Variants in OTUD3 observed in about 807,000 individuals in gnomAD.
The protein encoded by OTUD3 is OTU domain-containing protein 3.
A neutral mutation model predicts 46.2 loss-of-function variants in OTUD3; 24 were observed. That is an observed-to-expected ratio of 0.52 (90% CI 0.38 to 0.73). The LOEUF is 0.73. OTUD3 is among the 30% of genes least tolerant of loss of function. The pLI is 0.00. For missense variants in OTUD3, 455 were observed against 523.3 expected (o/e 0.87, Z 1.27); for synonymous variants, 189 against 195.4 (o/e 0.97, Z 0.27).
At chr1:19,892,642 C>A (rs1015906462) in intron 2 of OTUD3, among the ~76,000 whole-genome samples, 1 of 152,092 alleles carries the variant, frequency 6.6e-6, no homozygotes, top group Non-Finnish European at 1.5e-5. Context: ...CTTCTCTTAC[C>A]CGTTCATTAC....
rs1261771374 is a variant in OTUD3 at position 19,908,590 on chromosome 1, G to A, written c.*844G>A. 5.3e-5 allele frequency: 8 copies of A among 152,188 alleles called. No homozygotes were observed. Among genetic ancestry groups the A allele is most frequent in the African/African-American group, 1.9e-4 (8 of 41,388 alleles). 9.4% of individuals were successfully genotyped at this position (152,188 alleles called of 1,614,324 possible). A position where few individuals can be genotyped will look rare whatever the true frequency, so the allele number is the denominator to read the frequency against. ...AGGGTCTATAGTTGTAACAGGAGAC[G>A]AACTCCTGGGGTTTTGCCTAAGAGG... On this transcript the variant is annotated 3_prime_UTR_variant, in exon 8 of 8. Coordinates refer to ENST00000375120, the MANE Select transcript of OTUD3 (RefSeq NM_015207.2).
At chr1:19,889,727 A>G (rs2045421546) in intron 1 of OTUD3, among the ~76,000 whole-genome samples, 1 of 152,218 alleles carries the variant, frequency 6.6e-6, no homozygotes, top group Non-Finnish European at 1.5e-5. Context: ...TTCATTTGGC[A>G]GGAATAACAA....
chr1:19,907,636 C>G lies in OTUD3; in HGVS notation c.1087C>G (p.Arg363Gly). Residue 363 changes from arginine to glycine, a missense_variant, in exon 8 of 8, where the codon CGC becomes GGC. Arg to Gly is a moderately radical substitution (Grantham distance 125, BLOSUM62 -2). Coordinates refer to ENST00000375120, the MANE Select transcript of OTUD3 (RefSeq NM_015207.2). ...GAAGAAGCGGCAGGAGGAGAGGCAC[C>G]GCCACAAAGCCCTGGAGAGCAGAGG... ...EKKKRQEERH[R>G]HKALESRGSH... 1 of 1,614,076 alleles carries G rather than the reference C, an allele frequency of 6.2e-7. No individual in the cohort carries two copies. The highest frequency in any genetic ancestry group is 8.5e-7 in the Non-Finnish European group (1 of 1,180,004).
intron 4 of OTUD3, among the ~76,000 whole-genome samples, chr1:19,902,497 GC>G (rs770957120): frequency 1.3e-5 from 2 of 152,124 alleles, no homozygotes; most frequent in African/African-American, 4.8e-5. Flanking sequence ...GAGCCACCAC[GC>G]CCGGCCAGTA....
Position 19,908,809 on chromosome 1 carries a change from C to A in OTUD3, c.*1063C>A, listed in dbSNP as rs1260712642. 2.6e-5 allele frequency: 4 copies of A among 152,300 alleles called. 1 individual carries two copies. Among genetic ancestry groups the A allele is most frequent in the African/African-American group, 9.7e-5 (4 of 41,446 alleles). The allele number at this position is 152,300 out of a possible 1,614,324, so 9.4% of individuals were successfully genotyped here. ...ATCTTATAAAATGCTACATTTATTT[C>A]TTTTTATTTAAGCCCTGTTTGGCAT... On this transcript the variant is annotated 3_prime_UTR_variant, in exon 8 of 8. Coordinates refer to ENST00000375120, the MANE Select transcript of OTUD3 (RefSeq NM_015207.2).
chr1:19,886,688 T>TA (rs2045366440), intron 1 of OTUD3, among the ~76,000 whole-genome samples: 1 of 152,244 alleles, frequency 6.6e-6, no homozygotes, highest in Non-Finnish European at 1.5e-5. Flanking sequence ...GATGCTCAAC[T>TA]AGTGTTTCTC....
At chr1:19,897,346 A>G (rs1327146186) in intron 3 of OTUD3, among the ~76,000 whole-genome samples, 194 bp from the exon 4 acceptor site, 1 of 152,208 alleles carries the variant, frequency 6.6e-6, no homozygotes, top group Admixed American at 6.5e-5. Flanking sequence ...TACATATTAA[A>G]TAAGCATACG....
At position 19,882,471 on chromosome 1, in the gene OTUD3, C is replaced by G. The variant is rs1156450402; in HGVS notation, c.-43C>G. 2 of 1,341,364 alleles carry G rather than the reference C, an allele frequency of 1.5e-6. No individual in the cohort carries two copies. The highest frequency in any genetic ancestry group is 6.2e-5 in the East Asian group (2 of 32,504). 83.1% of individuals were successfully genotyped at this position (1,341,364 alleles called of 1,614,324 possible). A position where few individuals can be genotyped will look rare whatever the true frequency, so the allele number is the denominator to read the frequency against. ...CGCTTGAGGCGGACGCTGGGGGGTC[C>G]TGCGCCTTTCCCTCCTGCCGCTGGG... On this transcript the variant is annotated 5_prime_UTR_variant, in exon 1 of 8. Transcript: ENST00000375120.
chr1:19,884,667 A>G (rs985069874), intron 1 of OTUD3, among the ~76,000 whole-genome samples: 1 of 152,208 alleles, frequency 6.6e-6, no homozygotes, highest in African/African-American at 2.4e-5. Context: ...ATTAGCTATC[A>G]GAGTGATGAC....
intron 1 of OTUD3, among the ~76,000 whole-genome samples, chr1:19,886,758 G>A (rs775729754): frequency 1.3e-5 from 2 of 152,216 alleles, no homozygotes; most frequent in Non-Finnish European, 1.5e-5. Context: ...GAAGGGCTAC[G>A]TTGCTGGGCC....
At chr1:19,887,422 T>C (rs577412033) in intron 1 of OTUD3, among the ~76,000 whole-genome samples, 1 of 152,298 alleles carries the variant, frequency 6.6e-6, no homozygotes. Context: ...CGCTTCAGAA[T>C]CTAGTATTTT....
chr1:19,893,746 A>G (rs2045480774), intron 2 of OTUD3, among the ~76,000 whole-genome samples: 1 of 152,220 alleles, frequency 6.6e-6, no homozygotes, highest in African/African-American at 2.4e-5. Flanking sequence ...CTCTTTGGGC[A>G]AGGCCAAATT....
At position 19,907,881 on chromosome 1, in the gene OTUD3, G is replaced by C; in HGVS notation, c.*135G>C. The C allele has an allele frequency of 1.4e-6, 1 of 717,676 alleles. No individual in the cohort carries two copies. Among genetic ancestry groups the C allele is most frequent in the Non-Finnish European group, 2.2e-6 (1 of 458,498 alleles). 44.5% of individuals were successfully genotyped at this position (717,676 alleles called of 1,614,324 possible). A position where few individuals can be genotyped will look rare whatever the true frequency, so the allele number is the denominator to read the frequency against. The stretch of plus-strand genomic sequence containing the variant: ...ACACATGAGCTCACACACTGAGTTA[G>C]TTTCGTTCAAGCTGCCTCTTTTTTT... On this transcript the variant is annotated 3_prime_UTR_variant, in exon 8 of 8. Transcript: ENST00000375120.
rs948016728 is a variant in OTUD3 at position 19,904,332 on chromosome 1, T to G, written c.672T>G (p.Ser224=). The change falls in exon 5 of 8, where the codon TCT becomes TCG. Residue 224 remains serine, a synonymous_variant. Coordinates refer to ENST00000375120, the MANE Select transcript of OTUD3 (RefSeq NM_015207.2). ...AGATCAAGACAAAGGGAATGGACTC[T>G]GAAGACGACCTGAGAGATGAAGTAG... ...REKIKTKGMD[S]EDDLRDEVED... 2.5e-6 allele frequency: 4 copies of G among 1,612,794 alleles called. No individual in the cohort carries two copies. The highest frequency in any genetic ancestry group is 3.4e-6 in the Non-Finnish European group (4 of 1,179,144).
intron 2 of OTUD3, among the ~76,000 whole-genome samples, chr1:19,893,479 A>C (rs1403316395): frequency 1.3e-5 from 2 of 152,214 alleles, no homozygotes; most frequent in Admixed American, 6.5e-5. Flanking sequence ...GACAGTACAC[A>C]TAGAATATTG....
At position 19,910,957 on chromosome 1, in the gene OTUD3, G is replaced by C. The variant is rs2045726047; in HGVS notation, c.*3211G>C. On this transcript the variant is annotated 3_prime_UTR_variant, in exon 8 of 8. Transcript: ENST00000375120. ...GTCAATGTGCAATTTCTCTAATTCT[G>C]AGAAACTCTGTAGACTCTGCCTGGG... 1 of 152,370 alleles carries C rather than the reference G, an allele frequency of 6.6e-6. No homozygotes were observed. The allele number at this position is 152,370 out of a possible 1,614,324, so 9.4% of individuals were successfully genotyped here.
intron 5 of OTUD3, 71 bp downstream of exon 5, chr1:19,904,469 G>T: frequency 7.0e-7 from 1 of 1,426,646 alleles, no homozygotes; most frequent in Non-Finnish European, 9.6e-7. Context: ...TCTTAGTTTC[G>T]TAGCACCTCT....
chr1:19,910,950 T>C lies in OTUD3; in HGVS notation c.*3204T>C, dbSNP rs903694165. 6.6e-6 allele frequency: 1 copy of C among 152,394 alleles called. No individual in the cohort carries two copies. The highest frequency in any genetic ancestry group is 1.5e-5 in the Non-Finnish European group (1 of 68,072). 9.4% of individuals were successfully genotyped at this position (152,394 alleles called of 1,614,324 possible). ...CCCTGTAGTCAATGTGCAATTTCTCTAATTCTGAGAAACTCTGTAGACTCT... is the reference window on the plus strand; with the variant it reads ...CCCTGTAGTCAATGTGCAATTTCTCCAATTCTGAGAAACTCTGTAGACTCT... On this transcript the variant is annotated 3_prime_UTR_variant, in exon 8 of 8. Transcript: ENST00000375120.
intron 1 of OTUD3, among the ~76,000 whole-genome samples, chr1:19,887,961 C>T (rs762728466): frequency 6.6e-5 from 10 of 152,060 alleles, no homozygotes; most frequent in South Asian, 2.1e-4. Context: ...TAAATTATTG[C>T]GCACTCAAAA....
Sources: gnomAD v4.1 joint callset for allele counts (sites outside exome capture counted in the v4.1 genomes callset) on GRCh38, gnomAD v4.1.1 for gene constraint, MANE v1.5 for transcripts, NCBI Gene and HGNC (gene_info 2026-07-23, HGNC 2026-07-21) for gene names.